Variants in PTPRR observed in about 807,000 individuals in gnomAD.
PTPRR encodes the protein protein tyrosine phosphatase receptor type R, also known as receptor-type tyrosine-protein phosphatase R.
PTPRR carries 38 observed loss-of-function variants against 77.2 expected under a neutral mutation model. The observed-to-expected ratio is 0.49, with a 90% CI of 0.38 to 0.65. PTPRR has a LOEUF of 0.65. Among genes scored for constraint, PTPRR ranks in the 30% least tolerant of loss-of-function variants. PTPRR has a pLI of 0.00. For missense variants in PTPRR, 744 were observed against 799.2 expected (o/e 0.93, Z 0.83); for synonymous variants, 299 against 283.1 (o/e 1.06, Z -0.57).
At chr12:70,905,479 T>C (rs1167353071) in intron 1 of PTPRR, among the ~76,000 whole-genome samples, 1 of 151,944 alleles carries the variant, frequency 6.6e-6, no homozygotes, top group Non-Finnish European at 1.5e-5. Context: ...CTAATCTACA[T>C]TTAAAATAAA....
At chr12:70,874,209 T>C (rs1893009564) in intron 2 of PTPRR, among the ~76,000 whole-genome samples, 1 of 152,228 alleles carries the variant, frequency 6.6e-6, no homozygotes, top group East Asian at 1.9e-4. Context: ...AAGAGTCTTA[T>C]TGACTGATGT....
chr12:70,650,610 G>A (rs188709009), intron 13 of PTPRR, among the ~76,000 whole-genome samples: 1 of 152,114 alleles, frequency 6.6e-6, no homozygotes, highest in East Asian at 1.9e-4. Flanking sequence ...TGGGAAAGCT[G>A]GTTAAGACAC....
intron 6 of PTPRR, among the ~76,000 whole-genome samples, chr12:70,721,773 C>A (rs2136849441): frequency 6.6e-6 from 1 of 152,094 alleles, no homozygotes; most frequent in East Asian, 1.9e-4. Context: ...CCGTAGTGAA[C>A]AAATAAACAA....
chr12:70,816,512 ATATTTATTTT>A (rs1891905570), intron 2 of PTPRR, among the ~76,000 whole-genome samples: 1 of 152,120 alleles, frequency 6.6e-6, no homozygotes, highest in Admixed American at 6.5e-5. Flanking sequence ...AAATTTATTT[ATATTTATTTT>A]TATTTGGCTC....
intron 2 of PTPRR, among the ~76,000 whole-genome samples, chr12:70,835,247 C>A (rs573753646): frequency 3.3e-5 from 5 of 152,006 alleles, no homozygotes; most frequent in Non-Finnish European, 5.9e-5. Context: ...CCTTTGTATA[C>A]TTAAAATTGC....
intron 2 of PTPRR, among the ~76,000 whole-genome samples, chr12:70,826,532 A>G (rs757355746): frequency 6.6e-6 from 1 of 152,212 alleles, no homozygotes; most frequent in Non-Finnish European, 1.5e-5. Context: ...CAGCCCCATG[A>G]CAGGATGCAT....
chr12:70,751,032 C>A (rs1247054028), intron 5 of PTPRR, among the ~76,000 whole-genome samples: 1 of 152,040 alleles, frequency 6.6e-6, no homozygotes, highest in Non-Finnish European at 1.5e-5. Context: ...AGCCACTGCA[C>A]TTGGTCCCCC....
intron 8 of PTPRR, among the ~76,000 whole-genome samples, chr12:70,689,109 A>G (rs968333742): frequency 2.0e-5 from 3 of 152,136 alleles, no homozygotes; most frequent in Non-Finnish European, 4.4e-5. Context: ...GCGATCTATT[A>G]TAGACCATGG....
chr12:70,648,530 T>C (rs1886282153), intron 13 of PTPRR, among the ~76,000 whole-genome samples: 1 of 152,118 alleles, frequency 6.6e-6, no homozygotes, highest in African/African-American at 2.4e-5. Flanking sequence ...AATATCTTAC[T>C]CTTGATAGTA....
At position 70,638,729 on chromosome 12, in the gene PTPRR, C is replaced by T. The variant is rs918446722; in HGVS notation, c.*455G>A. 1 of 152,748 alleles carries T rather than the reference C, an allele frequency of 6.5e-6. No homozygotes were observed. Among genetic ancestry groups the T allele is most frequent in the Non-Finnish European group, 1.5e-5 (1 of 68,466 alleles). 9.5% of individuals were successfully genotyped at this position (152,748 alleles called of 1,614,324 possible). A position where few individuals can be genotyped will look rare whatever the true frequency, so the allele number is the denominator to read the frequency against. On this transcript the variant is annotated 3_prime_UTR_variant, in exon 14 of 14. Transcript: ENST00000283228. ...TTCTGGTAACTGAGAAAGGTAATAG[C>T]ACTTCAAAACAGGAACAGTTTAACA...
intron 12 of PTPRR, among the ~76,000 whole-genome samples, chr12:70,658,883 G>GGTTTTTTTTTTTTTTTTT (rs1295017452): frequency 2.7e-5 from 1 of 36,926 alleles, no homozygotes; most frequent in African/African-American, 1.1e-4. Context: ...TTTTGCTCTA[G>GGTTTTTTTTTTTTTTTTT]TTTTTTTTTT....
At chr12:70,723,339 CT>C (rs1027133661) in intron 6 of PTPRR, among the ~76,000 whole-genome samples, 68 of 148,898 alleles carry the variant, frequency 4.6e-4, no homozygotes, top group Admixed American at 1.3e-3. Flanking sequence ...TTTTTGAGGG[CT>C]TTTTTTTTTC....
At chr12:70,673,030 G>GAAAAAAAAA in intron 10 of PTPRR, 1 of 334,080 alleles carries the variant, frequency 3.0e-6, no homozygotes, top group Non-Finnish European at 3.6e-6. Context: ...TCGGGCCAAA[G>GAAAAAAAAA]CAAAAAAAAA....
intron 6 of PTPRR, among the ~76,000 whole-genome samples, chr12:70,701,639 G>T (rs2136784334): frequency 6.6e-6 from 1 of 152,218 alleles, no homozygotes; most frequent in Admixed American, 6.5e-5. Flanking sequence ...ATTAGGAAAA[G>T]CTATATCTAT....
chr12:70,696,465 T>C (rs902328846), intron 8 of PTPRR, among the ~76,000 whole-genome samples: 1 of 152,170 alleles, frequency 6.6e-6, no homozygotes, highest in African/African-American at 2.4e-5. Flanking sequence ...TTCATCTGGA[T>C]TGGAATCACC....
At chr12:70,714,221 A>G (rs1219502985) in intron 6 of PTPRR, among the ~76,000 whole-genome samples, 1 of 152,198 alleles carries the variant, frequency 6.6e-6, no homozygotes, top group Non-Finnish European at 1.5e-5. Flanking sequence ...TATTAATTCA[A>G]AGAAAACAAT....
chr12:70,887,537 C>T (rs1466049557), intron 2 of PTPRR, among the ~76,000 whole-genome samples: 4 of 152,106 alleles, frequency 2.6e-5, no homozygotes, highest in African/African-American at 7.2e-5. Context: ...AATCTTTCAT[C>T]ATCTCAGTGT....
intron 2 of PTPRR, among the ~76,000 whole-genome samples, chr12:70,852,299 TG>T (rs1892584253): frequency 6.6e-6 from 1 of 152,116 alleles, no homozygotes; most frequent in African/African-American, 2.4e-5. Context: ...TAAACACCAA[TG>T]TCAACTCAAC....
At chr12:70,695,753 G>A (rs1399933233) in intron 8 of PTPRR, among the ~76,000 whole-genome samples, 1 of 151,990 alleles carries the variant, frequency 6.6e-6, no homozygotes, top group Non-Finnish European at 1.5e-5. Context: ...GAGAGAGAGA[G>A]GGAGAGAGAA....
Sources: gnomAD v4.1 joint callset for allele counts (sites outside exome capture counted in the v4.1 genomes callset) on GRCh38, gnomAD v4.1.1 for gene constraint, MANE v1.5 for transcripts, NCBI Gene and HGNC (gene_info 2026-07-23, HGNC 2026-07-21) for gene names.